The following CCDC90B variants were observed in gnomAD, a reference collection of about 807,000 sequenced individuals.
CCDC90B encodes the protein coiled-coil domain containing 90B, also known as coiled-coil domain-containing protein 90B, mitochondrial.
Under a neutral mutation model 37.0 loss-of-function variants are expected in CCDC90B, and 24 were observed. That is an observed-to-expected ratio of 0.65 (90% CI 0.47 to 0.91). The LOEUF (loss-of-function observed/expected upper bound fraction) is 0.91. Ranked by LOEUF, CCDC90B falls within the 40% of genes least tolerant of loss-of-function variation. The probability of loss-of-function intolerance (pLI) is 0.00; values close to 1 mark genes in which losing one functional copy is unlikely to be tolerated. For missense variants in CCDC90B, 319 were observed against 299.0 expected (o/e 1.07, Z -0.49); for synonymous variants, 113 against 101.1 (o/e 1.12, Z -0.71).
In CCDC90B at chr11:83,271,171, C is replaced by G. The variant is rs536605285; in HGVS notation, c.594+2476G>C. On this transcript the variant is annotated intron_variant, in intron 7 of 8. Coordinates refer to ENST00000529689, the MANE Select transcript of CCDC90B (RefSeq NM_021825.5). The stretch of plus-strand genomic sequence containing the variant: ...TGTTAGACCTAAAACCATAAAAACC[C>G]TAGAAGAAAACTTAGGCAATTCCAT... Among the ~76,000 whole-genome samples, 137 of 152,260 alleles carry G rather than the reference C, an allele frequency of 9.0e-4. 1 individual carries two copies. Among genetic ancestry groups the G allele is most frequent in the South Asian group, 7.7e-3 (37 of 4,828 alleles).
rs1865674841 is a variant in CCDC90B, at chr11:83,286,070, A to G, written c.-98T>C. On this transcript the variant is annotated 5_prime_UTR_variant, in exon 1 of 9. Coordinates refer to ENST00000529689, the MANE Select transcript of CCDC90B (RefSeq NM_021825.5). ...TTCTGGCACCACAGGAATGCTGGGA[A>G]TTGTAGTTTTCGCTCTGTCACAAGC... 1 of 1,540,824 alleles carries G rather than the reference A, an allele frequency of 6.5e-7. No individual in the cohort carries two copies. Among genetic ancestry groups the G allele is most frequent in the Non-Finnish European group, 8.7e-7 (1 of 1,147,182 alleles).
chr11:83,260,349 T>C lies in CCDC90B; in HGVS notation c.*1562A>G, dbSNP rs1224033121. The C allele has an allele frequency of 3.9e-5, 6 of 152,232 alleles. No homozygotes were observed. Among genetic ancestry groups the C allele is most frequent in the Admixed American group, 3.9e-4 (6 of 15,282 alleles). 9.4% of individuals were successfully genotyped at this position (152,232 alleles called of 1,614,324 possible). On this transcript the variant is annotated 3_prime_UTR_variant, in exon 9 of 9. Transcript: ENST00000529689. ...ATTGGTTAACTGAACAAATGCAGTA[T>C]ACTTTGTTACAGTGGACTTTAATAT... is the stretch of plus-strand genomic sequence containing the variant.
rs1159081935 is a variant in CCDC90B, at chr11:83,259,643, T to A, written c.*2268A>T. 6.6e-6 allele frequency: 1 copy of A among 152,216 alleles called. No homozygotes were observed. Among genetic ancestry groups the A allele is most frequent in the Non-Finnish European group, 1.5e-5 (1 of 68,044 alleles). The allele number at this position is 152,216 out of a possible 1,614,324, so 9.4% of individuals were successfully genotyped here. A position where few individuals can be genotyped will look rare whatever the true frequency, so the allele number is the denominator to read the frequency against. ...CCTAAAAAACACCTTTATTTGCTGA[T>A]AAAACTATTGGAGAAGTTTTTTTTT... On this transcript the variant is annotated 3_prime_UTR_variant, in exon 9 of 9. Coordinates refer to ENST00000529689, the MANE Select transcript of CCDC90B (RefSeq NM_021825.5).
chr11:83,272,031 C>T (rs563514226), intron 7 of CCDC90B, among the ~76,000 whole-genome samples: 30 of 152,240 alleles, frequency 2.0e-4, no homozygotes, highest in Non-Finnish European at 3.4e-4. Flanking sequence ...AACCAAACAC[C>T]GCATGTTCTC....
chr11:83,262,342 A>G (rs1863977428), intron 8 of CCDC90B, among the ~76,000 whole-genome samples: 1 of 152,174 alleles, frequency 6.6e-6, no homozygotes, highest in South Asian at 2.1e-4. Context: ...TAAAATATAC[A>G]TATATCTGTG....
Position 83,261,891 on chromosome 11 carries a change from C to T in CCDC90B, c.*20G>A. On this transcript the variant is annotated 3_prime_UTR_variant, in exon 9 of 9. Coordinates refer to ENST00000529689, the MANE Select transcript of CCDC90B (RefSeq NM_021825.5). ...TGGTGTTCTAAGAAGCCAACAGCCACAGCAGGATGAGCATTAATACTACTT... is the reference window on the plus strand; with the variant it reads ...TGGTGTTCTAAGAAGCCAACAGCCATAGCAGGATGAGCATTAATACTACTT... The T allele has an allele frequency of 1.3e-6, 2 of 1,579,938 alleles. No homozygotes were observed. The highest frequency in any genetic ancestry group is 1.2e-5 in the South Asian group (1 of 86,246).
At chr11:83,274,591 A>T in intron 4 of CCDC90B, 48 bp downstream of exon 4, 2 of 1,115,446 alleles carry the variant, frequency 1.8e-6, no homozygotes, top group African/African-American at 1.6e-5. Context: ...TAGGATGCTT[A>T]TTATGAGATC....
At chr11:83,262,308 T>G (rs1040315144) in intron 8 of CCDC90B, among the ~76,000 whole-genome samples, 2 of 152,154 alleles carry the variant, frequency 1.3e-5, no homozygotes, top group African/African-American at 4.8e-5. Context: ...TTTCTTATAT[T>G]AAAAAATTAC....
chr11:83,285,490 A>C, intron 1 of CCDC90B: 1 of 1,117,326 alleles, frequency 8.9e-7, no homozygotes, highest in Non-Finnish European at 1.1e-6. Flanking sequence ...AGCACCTAAA[A>C]AAACAAAATC....
In CCDC90B at chr11:83,286,170, C is replaced by T; in HGVS notation, c.-198G>A. 3 of 1,536,090 alleles carry T rather than the reference C, an allele frequency of 2.0e-6. No individual in the cohort carries two copies. Among genetic ancestry groups the T allele is most frequent in the Middle Eastern group, 1.7e-4 (1 of 5,954 alleles). ...CACAGACAGACCCACAGTTCGCGAGCATGGCTCAGCGCTGCCCCGCTTCTC... is the reference window on the plus strand; with the variant it reads ...CACAGACAGACCCACAGTTCGCGAGTATGGCTCAGCGCTGCCCCGCTTCTC... On this transcript the variant is annotated 5_prime_UTR_variant, in exon 1 of 9. It removes an upstream start codon present in the reference 5' UTR. Coordinates refer to ENST00000529689, the MANE Select transcript of CCDC90B (RefSeq NM_021825.5).
At chr11:83,263,831 A>T (rs1864076998) in intron 8 of CCDC90B, among the ~76,000 whole-genome samples, 1 of 152,168 alleles carries the variant, frequency 6.6e-6, no homozygotes, top group South Asian at 2.1e-4. Flanking sequence ...TTCTGATTCC[A>T]ATTATGCTTG....
chr11:83,285,352 G>GT, intron 1 of CCDC90B: 1 of 1,174,036 alleles, frequency 8.5e-7, no homozygotes, highest in Non-Finnish European at 1.1e-6. Flanking sequence ...AAACTTGTGG[G>GT]TTCCAGTATT....
Position 83,260,384 on chromosome 11 carries a change from C to G in CCDC90B, c.*1527G>C, listed in dbSNP as rs1346659415. The G allele has an allele frequency of 6.6e-6, 1 of 152,100 alleles. No homozygotes were observed. Among genetic ancestry groups the G allele is most frequent in the Non-Finnish European group, 1.5e-5 (1 of 68,016 alleles). 9.4% of individuals were successfully genotyped at this position (152,100 alleles called of 1,614,324 possible). A position where few individuals can be genotyped will look rare whatever the true frequency, so the allele number is the denominator to read the frequency against. On this transcript the variant is annotated 3_prime_UTR_variant, in exon 9 of 9. Transcript: ENST00000529689. The stretch of plus-strand genomic sequence containing the variant: ...CAGTGGACTTTAATATATATGGTAA[C>G]TTATTAATTGACTCAGTGAAAATTA...
chr11:83,284,633 T>C (rs758670988), intron 1 of CCDC90B, among the ~76,000 whole-genome samples: 10 of 152,250 alleles, frequency 6.6e-5, no homozygotes, highest in Admixed American at 2.6e-4. Flanking sequence ...AATATTTGTT[T>C]AGTGAGGAAG....
At chr11:83,280,333 T>C in intron 1 of CCDC90B, 73 bp from the exon 2 acceptor site, 1 of 1,351,764 alleles carries the variant, frequency 7.4e-7, no homozygotes, top group Non-Finnish European at 1.0e-6. Flanking sequence ...TACAAAGCAT[T>C]TTCCCCATCC....
In CCDC90B at chr11:83,285,465, C is replaced by T. The variant is rs1429154436; in HGVS notation, c.100+408G>A. 3.6e-6 allele frequency: 4 copies of T among 1,115,936 alleles called. No homozygotes were observed. In the African/African-American group the frequency reaches 6.7e-5, roughly 19 times the overall value. 69.1% of individuals were successfully genotyped at this position (1,115,936 alleles called of 1,614,324 possible). On this transcript the variant is annotated intron_variant, in intron 1 of 8. Transcript: ENST00000529689. Reference sequence around the variant, plus strand: ...AATTTATGATGCTGTCTACCAAAAACCTGGGCTCGAGGCCAGCACCTAAAA... The same window carrying T: ...AATTTATGATGCTGTCTACCAAAAATCTGGGCTCGAGGCCAGCACCTAAAA...
chr11:83,261,929 A>G lies in CCDC90B; in HGVS notation c.747T>C (p.Phe249=), dbSNP rs2135578970. The G allele has an allele frequency of 6.2e-7, 1 of 1,605,154 alleles. No individual in the cohort carries two copies. The highest frequency in any genetic ancestry group is 1.3e-5 in the African/African-American group (1 of 74,386). ...VFTCLAIALG[F]YRFWK ...ATTAATACTACTTCCAGAATCTATA[A>G]AATCCCAATGCTATTGCCAGGCAAG... The change falls in exon 9 of 9, where the codon TTT becomes TTC. Residue 249 remains phenylalanine, a synonymous_variant. Transcript: ENST00000529689.
chr11:83,274,277 C>G, intron 4 of CCDC90B: 1 of 307,456 alleles, frequency 3.3e-6, no homozygotes, highest in Non-Finnish European at 5.8e-6. Flanking sequence ...GACTTAATTA[C>G]AGAAATATAC....
intron 5 of CCDC90B, 23 bp from the exon 6 acceptor site, chr11:83,273,887 T>C: frequency 6.3e-7 from 1 of 1,596,296 alleles, no homozygotes; most frequent in Non-Finnish European, 8.5e-7. Flanking sequence ...CAAAGATATT[T>C]AAAAAATGAT....
Sources: allele counts gnomAD v4.1 joint callset (sites outside exome capture counted in the v4.1 genomes callset), GRCh38; gene constraint gnomAD v4.1.1; transcripts MANE v1.5; gene names NCBI Gene and HGNC (gene_info 2026-07-23, HGNC 2026-07-21).